Variants in CDH13 observed in about 807,000 individuals in gnomAD.
The protein encoded by CDH13 is cadherin 13.
In CDH13, 24 loss-of-function variants were observed where a neutral mutation model predicts 63.8. The ratio of observed to expected loss-of-function variants is 0.38; its 90% confidence interval spans 0.27 to 0.53. The LOEUF is 0.53. CDH13 is among the 20% of genes least tolerant of loss of function. CDH13 has a pLI of 0.85. For synonymous variants in CDH13, 503 were observed against 355.3 expected, an observed-to-expected ratio of 1.42 and a Z score of -4.67; for missense variants, 1,049 against 903.1, an observed-to-expected ratio of 1.16 and a Z score of -2.07.
rs1904297221 is a variant in CDH13, at chr16:83,798,836, T to C, written c.*3806T>C. On this transcript the variant is annotated 3_prime_UTR_variant, in exon 14 of 14. Coordinates refer to ENST00000567109, the MANE Select transcript of CDH13 (RefSeq NM_001257.5). ...CTTCTGTTACCTATTATTAAGTTCA[T>C]GCTATACTTCTTCAATCTGAAAGCT... is the stretch of plus-strand genomic sequence containing the variant. 6.6e-6 allele frequency: 1 copy of C among 151,384 alleles called. No individual in the cohort carries two copies. The highest frequency in any genetic ancestry group is 1.5e-5 in the Non-Finnish European group (1 of 67,940). The allele number at this position is 151,384 out of a possible 1,614,324, so 9.4% of individuals were successfully genotyped here.
chr16:82,868,368 A>C (rs1228779921), intron 2 of CDH13, among the ~76,000 whole-genome samples: 1 of 152,208 alleles, frequency 6.6e-6, no homozygotes. Flanking sequence ...TCTAGTAGTA[A>C]GTCAATTAAT....
chr16:83,478,109 G>A (rs937248835), intron 6 of CDH13, among the ~76,000 whole-genome samples: 13 of 150,190 alleles, frequency 8.7e-5, no homozygotes, highest in South Asian at 2.1e-4. Flanking sequence ...GCAGTGAGCC[G>A]AGATCACGCC....
intron 2 of CDH13, among the ~76,000 whole-genome samples, chr16:82,918,771 C>A (rs930279196): frequency 2.2e-4 from 33 of 152,062 alleles, no homozygotes; most frequent in African/African-American, 7.5e-4. Flanking sequence ...AACCCCCCGA[C>A]AAAATGCTGC....
At chr16:83,277,218 T>A (rs972128697) in intron 5 of CDH13, among the ~76,000 whole-genome samples, 9 of 152,332 alleles carry the variant, frequency 5.9e-5, no homozygotes, top group Non-Finnish European at 1.2e-4. Context: ...AGAGGTTTTC[T>A]CACTCATGGT....
chr16:83,548,570 C>G (rs149498197), intron 7 of CDH13, among the ~76,000 whole-genome samples: 1 of 152,268 alleles, frequency 6.6e-6, no homozygotes, highest in Non-Finnish European at 1.5e-5. Flanking sequence ...TCATGCCATT[C>G]TCTGAGATAT....
chr16:82,753,116 G>C (rs1303329008), intron 1 of CDH13, among the ~76,000 whole-genome samples: 1 of 152,124 alleles, frequency 6.6e-6, no homozygotes, highest in Non-Finnish European at 1.5e-5. Flanking sequence ...CTTACAAACA[G>C]TACGTGTCAG....
At chr16:83,272,555 G>A (rs1421612112) in intron 5 of CDH13, among the ~76,000 whole-genome samples, 1 of 152,182 alleles carries the variant, frequency 6.6e-6, no homozygotes, top group African/African-American at 2.4e-5. Flanking sequence ...TAGATATCCA[G>A]CGTTGCAGTC....
chr16:82,797,485 C>G (rs2036639405), intron 1 of CDH13, among the ~76,000 whole-genome samples: 1 of 152,178 alleles, frequency 6.6e-6, no homozygotes, highest in Non-Finnish European at 1.5e-5. Context: ...GCAAGCTTCT[C>G]ATCACATCAC....
intron 2 of CDH13, among the ~76,000 whole-genome samples, chr16:82,948,765 A>C (rs756075865): frequency 3.9e-5 from 6 of 152,168 alleles, no homozygotes; most frequent in Non-Finnish European, 8.8e-5. Flanking sequence ...TATTACAAAC[A>C]CACCAAAAGG....
At chr16:83,686,957 C>G (rs1339687372) in intron 10 of CDH13, among the ~76,000 whole-genome samples, 1 of 152,154 alleles carries the variant, frequency 6.6e-6, no homozygotes, top group East Asian at 1.9e-4. Flanking sequence ...GCTTTGTAAT[C>G]CCAGCACTTC....
intron 8 of CDH13, among the ~76,000 whole-genome samples, chr16:83,653,502 G>A (rs1912582329): frequency 6.6e-6 from 1 of 150,996 alleles, no homozygotes; most frequent in African/African-American, 2.4e-5. Flanking sequence ...AATCTTTCTA[G>A]GGAAAAAAAA....
At chr16:82,716,410 T>C (rs2032375506) in intron 1 of CDH13, among the ~76,000 whole-genome samples, 1 of 151,768 alleles carries the variant, frequency 6.6e-6, no homozygotes, top group South Asian at 2.1e-4. Flanking sequence ...GATTCATCTC[T>C]CCCAATTGCC....
chr16:82,786,425 T>G (rs1448622228), intron 1 of CDH13, among the ~76,000 whole-genome samples: 1 of 133,310 alleles, frequency 7.5e-6, no homozygotes, highest in African/African-American at 2.7e-5. Flanking sequence ...ATCCTCCAAA[T>G]CAGAAAACAG....
intron 8 of CDH13, among the ~76,000 whole-genome samples, chr16:83,615,426 T>A (rs147969900): frequency 7.5e-4 from 114 of 152,286 alleles, no homozygotes; most frequent in African/African-American, 2.7e-3. Context: ...AGATAAATCT[T>A]TGAAGCCGAT....
At chr16:82,755,519 T>C (rs2151075585) in intron 1 of CDH13, among the ~76,000 whole-genome samples, 1 of 152,362 alleles carries the variant, frequency 6.6e-6, no homozygotes, top group South Asian at 2.1e-4. Flanking sequence ...TGATGATGTA[T>C]CCCCAATTTT....
chr16:83,772,168 T>C (rs1380033304), intron 11 of CDH13, among the ~76,000 whole-genome samples: 1 of 152,166 alleles, frequency 6.6e-6, no homozygotes. Flanking sequence ...AAAGAAGTAG[T>C]ATAAGACTGA....
At chr16:83,768,923 G>T (rs1285557920) in intron 11 of CDH13, among the ~76,000 whole-genome samples, 6 of 152,202 alleles carry the variant, frequency 3.9e-5, no homozygotes, top group South Asian at 2.1e-4. Flanking sequence ...GACTTAGAAT[G>T]CCTTAACCGT....
intron 7 of CDH13, among the ~76,000 whole-genome samples, chr16:83,529,071 C>T (rs147995544): frequency 3.1e-4 from 46 of 150,198 alleles, no homozygotes; most frequent in Admixed American, 5.4e-4. Context: ...CCCAAACCCC[C>T]TCCCCATGAA....
At chr16:83,653,504 G>GA (rs559409186) in intron 8 of CDH13, among the ~76,000 whole-genome samples, 12 of 150,284 alleles carry the variant, frequency 8.0e-5, no homozygotes, top group Non-Finnish European at 1.2e-4. Context: ...TCTTTCTAGG[G>GA]AAAAAAAACT....
Sources: allele counts gnomAD v4.1 joint callset (sites outside exome capture counted in the v4.1 genomes callset), GRCh38; gene constraint gnomAD v4.1.1; transcripts MANE v1.5; gene names NCBI Gene and HGNC (gene_info 2026-07-23, HGNC 2026-07-21).